The following DIAPH3 variants were observed in gnomAD, a reference collection of about 807,000 sequenced individuals.
DIAPH3 encodes diaphanous related formin 3.
A neutral mutation model predicts 144.3 loss-of-function variants in DIAPH3; 117 were observed. The observed-to-expected ratio is 0.81, with a 90% CI of 0.70 to 0.95. The LOEUF is 0.95. DIAPH3 is among the 40% of genes least tolerant of loss of function. The pLI is 0.00. For missense variants in DIAPH3, 1,421 were observed against 1,412.7 expected, an observed-to-expected ratio of 1.01 and a Z score of -0.09; for synonymous variants, 519 against 488.9, an observed-to-expected ratio of 1.06 and a Z score of -0.81.
intron 4 of DIAPH3, 131 bp downstream of exon 4, chr13:60,093,497 C>T (rs2058016196): frequency 9.2e-6 from 6 of 651,250 alleles, no homozygotes; most frequent in Non-Finnish European, 1.1e-5. Flanking sequence ...TATACTTGTG[C>T]CCTTAATTAT....
chr13:59,683,965 C>T (rs761051786), intron 27 of DIAPH3, among the ~76,000 whole-genome samples: 7 of 151,660 alleles, frequency 4.6e-5, no homozygotes, highest in African/African-American at 1.2e-4. Context: ...CTGCCAGCCA[C>T]GAGGAGGAAC....
rs1284169895 is a variant in DIAPH3 at position 59,666,659 on chromosome 13, T to C, written c.3507A>G (p.Glu1169=). The change falls in exon 28 of 28, where the codon GAA becomes GAG. Residue 1169 remains glutamate (E), a synonymous_variant. Coordinates refer to ENST00000400324, the MANE Select transcript of DIAPH3 (RefSeq NM_001042517.2). ...NVESNRKKET[E]LLGSFSKNES... is the part of the protein sequence containing the mutation. ...CATTTTTAGAAAAAGAGCCAAGAAGTTCCGTTTCCTTTTTTCTGTTGCTTT... is the reference window on the plus strand; with the variant it reads ...CATTTTTAGAAAAAGAGCCAAGAAGCTCCGTTTCCTTTTTTCTGTTGCTTT... 1.9e-6 allele frequency: 3 copies of C among 1,614,090 alleles called. No individual in the cohort carries two copies. The highest frequency in any genetic ancestry group is 2.5e-6 in the Non-Finnish European group (3 of 1,179,990).
At chr13:59,946,042 A>G (rs1159359711) in intron 17 of DIAPH3, among the ~76,000 whole-genome samples, 1 of 152,130 alleles carries the variant, frequency 6.6e-6, no homozygotes, top group African/African-American at 2.4e-5. Context: ...AAATAAGAAA[A>G]TATTTCTCAA....
At chr13:60,153,852 AT>A (rs979036328) in intron 1 of DIAPH3, among the ~76,000 whole-genome samples, 95 of 151,956 alleles carry the variant, frequency 6.3e-4, no homozygotes, top group African/African-American at 2.2e-3. Context: ...TATCACAAGA[AT>A]TTTTTTTCCT....
At chr13:60,066,010 A>C (rs1201255429) in intron 4 of DIAPH3, among the ~76,000 whole-genome samples, 1 of 152,200 alleles carries the variant, frequency 6.6e-6, no homozygotes, top group African/African-American at 2.4e-5. Context: ...ATTTTTAATA[A>C]ATCATTTCTT....
At position 59,691,579 on chromosome 13, in the gene DIAPH3, T is replaced by A. The variant is rs1205045854; in HGVS notation, c.3320-24733A>T. 2.6e-5 allele frequency among the ~76,000 whole-genome samples: 4 copies of A among 152,196 alleles called. No homozygotes were observed. In the East Asian group the frequency reaches 7.7e-4, roughly 29 times the overall value. On this transcript the variant is annotated intron_variant, in intron 27 of 27. Coordinates refer to ENST00000400324, the MANE Select transcript of DIAPH3 (RefSeq NM_001042517.2). ...AAAAGGTCTCACTGTGAACATATGA[T>A]GATTAAGGAATATTCAGAATAAAAC...
chr13:60,147,141 T>C (rs2138362328), intron 1 of DIAPH3: 1 of 152,276 alleles, frequency 6.6e-6, no homozygotes, highest in Non-Finnish European at 1.5e-5. Context: ...CCCTTTAAAC[T>C]TGAATGTAGG....
At chr13:59,848,362 T>A (rs1474801386) in intron 22 of DIAPH3, among the ~76,000 whole-genome samples, 66 of 149,768 alleles carry the variant, frequency 4.4e-4, no homozygotes, top group African/African-American at 1.4e-3. Context: ...CATGTGCACA[T>A]TGTGCAGGTT....
At chr13:60,064,413 C>T (rs116886215) in intron 4 of DIAPH3, among the ~76,000 whole-genome samples, 5,574 of 152,308 alleles carry the variant, frequency 0.037, 134 homozygotes, top group East Asian at 0.074. Context: ...TAACTTGCTG[C>T]AGCTGCTACA....
At chr13:59,816,548 T>C (rs1054461534) in intron 24 of DIAPH3, among the ~76,000 whole-genome samples, 1 of 151,676 alleles carries the variant, frequency 6.6e-6, no homozygotes, top group Non-Finnish European at 1.5e-5. Flanking sequence ...TTTAGCAATA[T>C]ATCTAATTAA....
At chr13:59,757,993 G>T (rs1248252084) in intron 27 of DIAPH3, among the ~76,000 whole-genome samples, 1 of 151,958 alleles carries the variant, frequency 6.6e-6, no homozygotes. Context: ...TCACATAATA[G>T]GATACCCACA....
chr13:59,999,321 T>C (rs140775300), intron 9 of DIAPH3, among the ~76,000 whole-genome samples: 265 of 152,314 alleles, frequency 1.7e-3, no homozygotes, highest in African/African-American at 5.9e-3. Context: ...TTATCCTTTT[T>C]AATTTATAAA....
chr13:60,041,207 C>CT (rs1219744732), intron 5 of DIAPH3, among the ~76,000 whole-genome samples: 2 of 152,162 alleles, frequency 1.3e-5, no homozygotes, highest in African/African-American at 4.8e-5. Context: ...ATGAATATAT[C>CT]TGTCAAATAA....
chr13:59,670,671 C>T (rs1287346511), intron 27 of DIAPH3, among the ~76,000 whole-genome samples: 4 of 151,702 alleles, frequency 2.6e-5, no homozygotes, highest in African/African-American at 9.7e-5. Flanking sequence ...CAAGCTCCAC[C>T]TCCCGGGTTC....
chr13:59,757,294 A>G (rs961276796), intron 27 of DIAPH3, among the ~76,000 whole-genome samples: 2 of 151,294 alleles, frequency 1.3e-5, no homozygotes, highest in African/African-American at 4.9e-5. Flanking sequence ...TATCTGTTGC[A>G]TTATCCTGAA....
chr13:60,045,449 T>G (rs2056007332), intron 4 of DIAPH3, among the ~76,000 whole-genome samples: 1 of 152,216 alleles, frequency 6.6e-6, no homozygotes, highest in Admixed American at 6.5e-5. Context: ...AAAACATCGT[T>G]TGATACCTAT....
intron 5 of DIAPH3, among the ~76,000 whole-genome samples, chr13:60,027,824 T>C (rs1024009852): frequency 3.3e-5 from 5 of 152,232 alleles, no homozygotes; most frequent in Non-Finnish European, 5.9e-5. Context: ...AAGAAAGCAC[T>C]AAATTATTCA....
At chr13:60,033,377 T>TA (rs769995978) in intron 5 of DIAPH3, among the ~76,000 whole-genome samples, 46 of 151,678 alleles carry the variant, frequency 3.0e-4, no homozygotes, top group Admixed American at 7.9e-4. Context: ...TGCATTTCTA[T>TA]AAAAAAAAAT....
At chr13:59,755,464 G>A (rs1282464307) in intron 27 of DIAPH3, among the ~76,000 whole-genome samples, 5 of 151,790 alleles carry the variant, frequency 3.3e-5, no homozygotes, top group East Asian at 1.9e-4. Flanking sequence ...TTAGAGAAAC[G>A]GTTCATCAAA....
Sources: allele counts gnomAD v4.1 joint callset (sites outside exome capture counted in the v4.1 genomes callset), GRCh38; gene constraint gnomAD v4.1.1; transcripts MANE v1.5; gene names NCBI Gene and HGNC (gene_info 2026-07-23, HGNC 2026-07-21).